DOCK3: variants seen among roughly 807,000 people sequenced by gnomAD.
DOCK3 encodes the protein dedicator of cytokinesis protein 3.
DOCK3 carries 60 observed loss-of-function variants against 265.6 expected under a neutral mutation model. The ratio of observed to expected loss-of-function variants is 0.23; its 90% CI spans 0.18 to 0.28. The LOEUF is 0.28. Among genes scored for constraint, DOCK3 ranks in the 10% least tolerant of loss-of-function variants. DOCK3 has a pLI of 1.00. For missense variants in DOCK3, 1,981 were observed against 2,594.3 expected (o/e 0.76, Z 5.14); for synonymous variants, 881 against 938.0 (o/e 0.94, Z 1.11).
At chr3:50,794,899 C>T (rs1179279980) in intron 2 of DOCK3, among the ~76,000 whole-genome samples, 1 of 152,142 alleles carries the variant, frequency 6.6e-6, no homozygotes, top group East Asian at 1.9e-4. Flanking sequence ...GTGCTTCCTT[C>T]AGGAGCTCTT....
At chr3:51,324,264 A>G (rs895421319) in intron 32 of DOCK3, among the ~76,000 whole-genome samples, 2 of 152,272 alleles carry the variant, frequency 1.3e-5, no homozygotes, top group African/African-American at 4.8e-5. Flanking sequence ...AATCACAAGC[A>G]TTCCTATACA....
chr3:51,159,783 C>G (rs2086043276), intron 11 of DOCK3, among the ~76,000 whole-genome samples: 1 of 152,176 alleles, frequency 6.6e-6, no homozygotes, highest in Non-Finnish European at 1.5e-5. Context: ...ACTTCTACCC[C>G]ACCCAAGATG....
chr3:50,934,114 G>C, intron 5 of DOCK3, 37 bp downstream of exon 5: 1 of 1,425,672 alleles, frequency 7.0e-7, no homozygotes, highest in Non-Finnish European at 9.7e-7. Flanking sequence ...GATCATTAAA[G>C]TTTAGTGTAC....
At chr3:51,096,000 G>A (rs1159883479) in intron 9 of DOCK3, among the ~76,000 whole-genome samples, 1 of 150,554 alleles carries the variant, frequency 6.6e-6, no homozygotes, top group Non-Finnish European at 1.5e-5. Context: ...AGTCTGATGG[G>A]CTTCCCTTTG....
At chr3:50,926,109 A>G (rs1233086289) in intron 4 of DOCK3, among the ~76,000 whole-genome samples, 1 of 152,036 alleles carries the variant, frequency 6.6e-6, no homozygotes, top group Non-Finnish European at 1.5e-5. Context: ...ATAGCAGGCC[A>G]TTTTGGCAGC....
At chr3:51,156,411 T>C (rs1356242938) in intron 10 of DOCK3, among the ~76,000 whole-genome samples, 2 of 152,244 alleles carry the variant, frequency 1.3e-5, no homozygotes, top group African/African-American at 4.8e-5. Context: ...GCTCACCAGA[T>C]GAATGGTAGA....
At chr3:50,679,293 T>C (rs1282521723) in intron 1 of DOCK3, among the ~76,000 whole-genome samples, 1 of 152,174 alleles carries the variant, frequency 6.6e-6, no homozygotes, top group African/African-American at 2.4e-5. Context: ...TTTTGAGTAA[T>C]TTAGGGCATT....
chr3:51,008,974 G>C (rs1339900331), intron 5 of DOCK3, among the ~76,000 whole-genome samples: 1 of 152,182 alleles, frequency 6.6e-6, no homozygotes, highest in African/African-American at 2.4e-5. Context: ...AAGCCAACTT[G>C]ATCTTGGTGG....
At chr3:51,153,248 A>T (rs2085696055) in intron 10 of DOCK3, among the ~76,000 whole-genome samples, 1 of 152,156 alleles carries the variant, frequency 6.6e-6, no homozygotes. Flanking sequence ...TCGCAGGTCG[A>T]TCTTAGACTG....
At chr3:51,336,049 G>A (rs1243917206) in intron 35 of DOCK3, among the ~76,000 whole-genome samples, 1 of 151,276 alleles carries the variant, frequency 6.6e-6, no homozygotes, top group Non-Finnish European at 1.5e-5. Context: ...ATGACTCAAG[G>A]GAAGGACATC....
rs536378705 is a variant in DOCK3 at position 51,380,784 on chromosome 3, G to A, written c.5584-266G>A. Among the ~76,000 whole-genome samples, 8 of 152,196 alleles carry A rather than the reference G, an allele frequency of 5.3e-5. No individual in the cohort carries two copies. In the East Asian group the frequency reaches 5.8e-4, roughly 11 times the overall value. ...ATGTCAGTATCCCAGAGCCACCGAC[G>A]GCAGCCTGGGACCTGGGACCAGGGG... On this transcript the variant is annotated intron_variant, in intron 52 of 52. Coordinates refer to ENST00000266037, the MANE Select transcript of DOCK3 (RefSeq NM_004947.5).
intron 4 of DOCK3, among the ~76,000 whole-genome samples, chr3:50,915,396 G>A (rs1470753438): frequency 1.3e-5 from 2 of 152,040 alleles, no homozygotes; most frequent in African/African-American, 2.4e-5. Context: ...AGGGTGCAGG[G>A]AACAGTACAG....
chr3:51,252,704 A>C (rs542901009), intron 22 of DOCK3, among the ~76,000 whole-genome samples: 59 of 152,264 alleles, frequency 3.9e-4, no homozygotes, highest in Non-Finnish European at 5.4e-4. Flanking sequence ...ATTTTTGCAC[A>C]TTGATTTTGT....
intron 9 of DOCK3, among the ~76,000 whole-genome samples, chr3:51,098,417 A>T (rs2082953244): frequency 6.6e-6 from 1 of 152,202 alleles, no homozygotes; most frequent in Non-Finnish European, 1.5e-5. Context: ...CATAAACTAA[A>T]CTTTTTCTTG....
chr3:51,345,087 G>T (rs1350573109), intron 38 of DOCK3, among the ~76,000 whole-genome samples: 1 of 152,172 alleles, frequency 6.6e-6, no homozygotes, highest in Non-Finnish European at 1.5e-5. Flanking sequence ...TTGGCTCTTG[G>T]CAGGCTGGCC....
At chr3:51,101,383 G>C (rs1263601669) in intron 9 of DOCK3, among the ~76,000 whole-genome samples, 3 of 151,758 alleles carry the variant, frequency 2.0e-5, no homozygotes, top group Non-Finnish European at 2.9e-5. Context: ...GCCTCCCAAA[G>C]TTCTGGGATT....
intron 12 of DOCK3, among the ~76,000 whole-genome samples, chr3:51,161,246 C>A (rs1432441234): frequency 6.6e-6 from 1 of 151,958 alleles, no homozygotes; most frequent in African/African-American, 2.4e-5. Context: ...AGATCGAGAC[C>A]ATCTTGGCTA....
chr3:50,804,020 C>T (rs1043877210), intron 2 of DOCK3, among the ~76,000 whole-genome samples: 17 of 150,530 alleles, frequency 1.1e-4, no homozygotes, highest in Non-Finnish European at 2.4e-4. Context: ...ACCTCCCAGA[C>T]GGGGTGGTGG....
chr3:50,978,752 C>T (rs559067333), intron 5 of DOCK3, among the ~76,000 whole-genome samples: 27 of 152,316 alleles, frequency 1.8e-4, no homozygotes, highest in African/African-American at 3.4e-4. Context: ...GCCTCGCTGC[C>T]GCCTTGCAGT....
Sources: gnomAD v4.1 joint callset for allele counts (sites outside exome capture counted in the v4.1 genomes callset) on GRCh38, gnomAD v4.1.1 for gene constraint, MANE v1.5 for transcripts, NCBI Gene and HGNC (gene_info 2026-07-23, HGNC 2026-07-21) for gene names.